Variants in CLOCK observed in about 807,000 individuals in gnomAD.
The protein encoded by CLOCK is clock circadian regulator.
Under a neutral mutation model 118.4 loss-of-function variants are expected in CLOCK, and 43 were observed. The ratio of observed to expected loss-of-function variants is 0.36; its 90% CI spans 0.28 to 0.47. The LOEUF (loss-of-function observed/expected upper bound fraction) is 0.47, where lower values mean the gene tolerates loss of function less well. Ranked by LOEUF, CLOCK falls within the 20% of genes least tolerant of loss-of-function variation. CLOCK has a pLI of 1.00. For missense variants in CLOCK, 846 were observed against 999.9 expected (o/e 0.85, Z 2.08); for synonymous variants, 326 against 339.2 (o/e 0.96, Z 0.43).
intron 1 of CLOCK, among the ~76,000 whole-genome samples, chr4:55,518,564 CA>C (rs1056992392): frequency 1.3e-5 from 2 of 152,150 alleles, no homozygotes; most frequent in Non-Finnish European, 2.9e-5. Flanking sequence ...CCCAATGTGA[CA>C]GTATTAAGAC....
chr4:55,478,483 G>A (rs112191971), intron 6 of CLOCK, among the ~76,000 whole-genome samples: 1 of 152,002 alleles, frequency 6.6e-6, no homozygotes, highest in Non-Finnish European at 1.5e-5. Flanking sequence ...TATTTTAAAA[G>A]TCTCCCTGAC....
Position 55,456,320 on chromosome 4 carries a change from A to T in CLOCK, c.793-20T>A. The T allele has an allele frequency of 7.1e-7, 1 of 1,412,958 alleles. No homozygotes were observed. Among genetic ancestry groups the T allele is most frequent in the Non-Finnish European group, 9.8e-7 (1 of 1,016,668 alleles). 87.5% of individuals were successfully genotyped at this position (1,412,958 alleles called of 1,614,324 possible). ...CATTTCCTACAAATAAATAATTAAA[A>T]TTTATAAATACTTTGTGTCCTTAAG... is the stretch of plus-strand genomic sequence containing the variant. On this transcript the variant is annotated intron_variant, in intron 11 of 22. Transcript: ENST00000513440.
chr4:55,448,591 CGCACGCGCGCGTGTGTGTGT>C (rs988053356), intron 18 of CLOCK, among the ~76,000 whole-genome samples, 168 bp downstream of exon 18: 5 of 81,114 alleles, frequency 6.2e-5, no homozygotes, highest in Admixed American at 1.5e-4. Context: ...TGTGCGCGCG[CGCACGCGCGCGTGTGTGTGT>C]GTGTGTGTGT....
At chr4:55,523,811 TGAA>T (rs1361634061) in intron 1 of CLOCK, among the ~76,000 whole-genome samples, 3 of 152,342 alleles carry the variant, frequency 2.0e-5, no homozygotes, top group East Asian at 1.9e-4. Flanking sequence ...TAAAAAAAAT[TGAA>T]GAAGTTTTTG....
intron 2 of CLOCK, among the ~76,000 whole-genome samples, chr4:55,502,626 G>T (rs549854116): frequency 3.3e-5 from 5 of 152,206 alleles, no homozygotes; most frequent in South Asian, 4.1e-4. Flanking sequence ...GGTAGGCAAA[G>T]ATTTCTTAAA....
chr4:55,504,199 T>A (rs1441490143), intron 2 of CLOCK, among the ~76,000 whole-genome samples: 1 of 141,424 alleles, frequency 7.1e-6, no homozygotes, highest in Non-Finnish European at 1.5e-5. Flanking sequence ...GGCAGGAGAA[T>A]CACGTGAACC....
rs762866277 is a variant in CLOCK at position 55,435,582 on chromosome 4, G to A, written c.2374C>T (p.Leu792Phe). 6 of 1,613,810 alleles carry A rather than the reference G, an allele frequency of 3.7e-6. No homozygotes were observed. The highest frequency in any genetic ancestry group is 1.7e-5 in the Admixed American group (1 of 59,976). ...PQQFLQTSRLLHGNPSTQLIL... is the reference protein window; with the variant it reads ...PQQFLQTSRLFHGNPSTQLIL... ...AGTTGAGTTGAGGGATTCCCATGGAGCAACCTAGAAGTCTAAAAAACAAAT... is the reference window on the plus strand; with the variant it reads ...AGTTGAGTTGAGGGATTCCCATGGAACAACCTAGAAGTCTAAAAAACAAAT... The change falls in exon 23 of 23, where the codon CTC becomes TTC. Residue 792 changes from leucine to phenylalanine, a missense_variant. This residue lies in a region of CLOCK where 520 missense variants were observed against 558.0 expected (regional missense o/e 0.93). Coordinates refer to ENST00000513440, the MANE Select transcript of CLOCK (RefSeq NM_004898.4).
intron 13 of CLOCK, among the ~76,000 whole-genome samples, chr4:55,454,726 C>A (rs968989292): frequency 2.6e-5 from 4 of 151,130 alleles, no homozygotes; most frequent in African/African-American, 9.7e-5. Context: ...AATGCATGTG[C>A]AGATTCTCTG....
At chr4:55,495,801 C>T (rs7677085) in intron 2 of CLOCK, among the ~76,000 whole-genome samples, 51,318 of 151,848 alleles carry the variant, frequency 0.34, 9,373 homozygotes, top group East Asian at 0.58. Flanking sequence ...CCTCCGTATC[C>T]TCAATTTTAA....
chr4:55,440,142 G>A lies in CLOCK; in HGVS notation c.2106-1605C>T, dbSNP rs539591906. ...GGCACACAGTTCATGAATAAACAAAGCTATTATAATGTATTTTTTAAACTC... is the reference window on the plus strand; with the variant it reads ...GGCACACAGTTCATGAATAAACAAAACTATTATAATGTATTTTTTAAACTC... On this transcript the variant is annotated intron_variant, in intron 21 of 22. Transcript: ENST00000513440. 1.6e-4 allele frequency among the ~76,000 whole-genome samples: 24 copies of A among 152,130 alleles called. No homozygotes were observed. The South Asian group carries it at 5.0e-3, about 32-fold the overall frequency.
chr4:55,436,892 C>CTTTTTTTT (rs35888413), intron 22 of CLOCK, among the ~76,000 whole-genome samples: 1 of 98,364 alleles, frequency 1.0e-5, no homozygotes, highest in Non-Finnish European at 2.0e-5. Flanking sequence ...TTTGGGATGC[C>CTTTTTTTT]TTTTTTTTTT....
intron 2 of CLOCK, among the ~76,000 whole-genome samples, chr4:55,499,793 T>C (rs1034095572): frequency 2.0e-5 from 3 of 152,242 alleles, no homozygotes; most frequent in African/African-American, 7.2e-5. Context: ...GTCTTTGCCA[T>C]GTTTCTTTCG....
chr4:55,482,084 C>T, intron 4 of CLOCK, among the ~76,000 whole-genome samples: 1 of 152,114 alleles, frequency 6.6e-6, no homozygotes, highest in East Asian at 1.9e-4. Context: ...ACAAAGACAA[C>T]TTAAAGTCTT....
At chr4:55,507,465 T>G (rs1004403468) in intron 2 of CLOCK, among the ~76,000 whole-genome samples, 10 of 151,436 alleles carry the variant, frequency 6.6e-5, no homozygotes, top group Non-Finnish European at 1.5e-4. Context: ...ATACAAAAAT[T>G]TGCCAGGCAT....
intron 8 of CLOCK, 114 bp from the exon 9 acceptor site, chr4:55,463,919 CCAA>C (rs1268971896): frequency 9.4e-7 from 1 of 1,066,038 alleles, no homozygotes; most frequent in South Asian, 1.6e-5. Context: ...TCTGTGAAAA[CCAA>C]CAAATGTCAA....
chr4:55,428,051 A>T lies in CLOCK; in HGVS notation c.*7364T>A, dbSNP rs1722310188. 1.3e-5 allele frequency: 2 copies of T among 152,212 alleles called. No homozygotes were observed. The highest frequency in any genetic ancestry group is 2.9e-5 in the Non-Finnish European group (2 of 68,028). 9.4% of individuals were successfully genotyped at this position (152,212 alleles called of 1,614,324 possible). A position where few individuals can be genotyped will look rare whatever the true frequency, so the allele number is the denominator to read the frequency against. ...TAGCACTGAGGTATTTTTTATTTTT[A>T]AAATTGAAGGAAACAAAGTCTGGAT... On this transcript the variant is annotated 3_prime_UTR_variant, in exon 23 of 23. Transcript: ENST00000513440.
Position 55,444,700 on chromosome 4 carries a change from T to A in CLOCK, c.1625A>T (p.His542Leu), listed in dbSNP as rs3762836. The change falls in exon 19 of 23, where the codon CAT (histidine) becomes CTT (leucine). Residue 542 changes from histidine (H) to leucine (L), a missense_variant. By Grantham distance (99) the His-to-Leu change is moderately conservative. This residue lies in a region of CLOCK where 520 missense variants were observed against 558.0 expected (regional missense o/e 0.93). Transcript: ENST00000513440. ...QRTRMIEANIHRQQEELRKIQ... is the reference protein window; with the variant it reads ...QRTRMIEANILRQQEELRKIQ... ...TTTTCTTAGTTCTTCTTGTTGCCGA[T>A]GAATATTTGCTTCTATCATGCGTGT... The A allele has an allele frequency of 5.1e-5, 82 of 1,614,034 alleles. No homozygotes were observed. The highest frequency in any genetic ancestry group is 6.8e-5 in the Non-Finnish European group (80 of 1,180,012).
intron 2 of CLOCK, among the ~76,000 whole-genome samples, chr4:55,496,155 C>T (rs1179421763): frequency 6.6e-6 from 1 of 151,834 alleles, no homozygotes; most frequent in African/African-American, 2.4e-5. Flanking sequence ...CTCCACAGCA[C>T]TCCATCCTAG....
At position 55,482,751 on chromosome 4, in the gene CLOCK, G is replaced by A. The variant is rs753109195; in HGVS notation, c.35C>T (p.Ser12Leu). Reference sequence around the variant, plus strand: ...TTCAAAAACATACCTGTCAACAATCGAGCTCATTTTACTACAGCTTACGGT... The same window carrying A: ...TTCAAAAACATACCTGTCAACAATCAAGCTCATTTTACTACAGCTTACGGT... ...LFTVSCSKMS[S>L]IVDRDDSSIF... Residue 12 changes from serine to leucine, a missense_variant, in exon 4 of 23, where the codon TCG becomes TTG. Physicochemically the swap from Ser to Leu is moderately radical, Grantham distance 145. This residue lies in a region of CLOCK where 246 missense variants were observed against 300.2 expected (regional missense o/e 0.82). Coordinates refer to ENST00000513440, the MANE Select transcript of CLOCK (RefSeq NM_004898.4). 1.9e-6 allele frequency: 3 copies of A among 1,606,426 alleles called. No homozygotes were observed. Among genetic ancestry groups the A allele is most frequent in the Non-Finnish European group, 2.6e-6 (3 of 1,176,010 alleles).
Sources: allele counts gnomAD v4.1 joint callset (sites outside exome capture counted in the v4.1 genomes callset), GRCh38; gene constraint gnomAD v4.1.1; regional missense constraint gnomAD v4.1.1; transcripts MANE v1.5; gene names NCBI Gene and HGNC (gene_info 2026-07-23, HGNC 2026-07-21).